Variants in RIPOR2 observed in about 807,000 individuals in gnomAD.
RIPOR2 encodes RHO family interacting cell polarization regulator 2, also known as rho family-interacting cell polarization regulator 2.
Under a neutral mutation model 114.5 loss-of-function variants are expected in RIPOR2, and 39 were observed. That is an observed-to-expected ratio of 0.34 (90% CI 0.26 to 0.44). The LOEUF (loss-of-function observed/expected upper bound fraction) is 0.44. RIPOR2 is among the 20% of genes least tolerant of loss of function. The pLI is 1.00. For synonymous variants in RIPOR2, 445 were observed against 484.4 expected (o/e 0.92, Z 1.07); for missense variants, 1,007 against 1,255.1 (o/e 0.80, Z 2.99).
intron 1 of RIPOR2, among the ~76,000 whole-genome samples, chr6:24,960,158 A>G (rs1297053503): frequency 6.6e-6 from 1 of 152,182 alleles, no homozygotes; most frequent in Non-Finnish European, 1.5e-5. Context: ...CAAAAAGGGT[A>G]TGGAGGATGC....
intron 1 of RIPOR2, among the ~76,000 whole-genome samples, chr6:24,961,060 T>C (rs1195101296): frequency 6.6e-6 from 1 of 152,222 alleles, no homozygotes; most frequent in African/African-American, 2.4e-5. Context: ...GGTGCCATGC[T>C]GGACCCCGCT....
chr6:24,825,532 T>A (rs1047530468), intron 18 of RIPOR2, 104 bp from the exon 19 acceptor site: 9 of 770,380 alleles, frequency 1.2e-5, no homozygotes, highest in Non-Finnish European at 1.9e-5. Context: ...TATAGTATAG[T>A]AACTCCAATA....
At chr6:24,847,161 C>T (rs1399107787) in intron 12 of RIPOR2, among the ~76,000 whole-genome samples, 3 of 152,132 alleles carry the variant, frequency 2.0e-5, no homozygotes, top group African/African-American at 7.2e-5. Flanking sequence ...CCATGTTGGC[C>T]AGGCTGGTCT....
intron 1 of RIPOR2, among the ~76,000 whole-genome samples, chr6:24,951,302 C>T (rs1772743158): frequency 6.6e-6 from 1 of 152,168 alleles, no homozygotes; most frequent in Non-Finnish European, 1.5e-5. Flanking sequence ...GTGTTGTCTT[C>T]TAAGTGCTGC....
intron 1 of RIPOR2, among the ~76,000 whole-genome samples, chr6:25,031,718 T>C (rs1271443531): frequency 2.1e-5 from 2 of 94,568 alleles, no homozygotes; most frequent in African/African-American, 1.0e-4. Flanking sequence ...TATATATATA[T>C]ATATATATAT....
At chr6:24,822,890 T>C (rs561873839) in intron 19 of RIPOR2, among the ~76,000 whole-genome samples, 10 of 152,330 alleles carry the variant, frequency 6.6e-5, no homozygotes, top group African/African-American at 2.2e-4. Context: ...TGCCTAAGAA[T>C]TGGTGGCTGC....
rs1473218248 is a variant in RIPOR2 at position 24,844,473 on chromosome 6, C to CT, written c.1165-920dup. ...AACCCCTTCAAAATGGTTAATTTTT[C>CT]TTTTTTTTTTTTTTGAGACAGAGTT... On this transcript the variant is annotated intron_variant, in intron 12 of 21. Coordinates refer to ENST00000643898, the MANE Select transcript of RIPOR2 (RefSeq NM_001286445.3). Among the ~76,000 whole-genome samples, 498 of 143,362 alleles carry CT rather than the reference C, an allele frequency of 3.5e-3. 1 individual carries two copies. Among genetic ancestry groups the CT allele is most frequent in the South Asian group, 9.1e-3 (41 of 4,502 alleles). 94.1% of individuals were successfully genotyped at this position (143,362 alleles called of 152,430 possible).
At chr6:24,936,785 A>G (rs1449715297), upstream of RIPOR2, among the ~76,000 whole-genome samples, 1 of 152,204 alleles carries the variant, frequency 6.6e-6, no homozygotes, top group Non-Finnish European at 1.5e-5. Flanking sequence ...CATCTCTCTG[A>G]GTAATACTGA....
chr6:24,876,129 A>G (rs1765717366), intron 1 of RIPOR2, among the ~76,000 whole-genome samples: 1 of 152,068 alleles, frequency 6.6e-6, no homozygotes, highest in African/African-American at 2.4e-5. Flanking sequence ...CATCTCTACT[A>G]AAAATACAAA....
chr6:24,964,147 C>CTGTGTGTGTGTGTG (rs70974955), intron 1 of RIPOR2, among the ~76,000 whole-genome samples: 5,256 of 146,600 alleles, frequency 0.036, 246 homozygotes, highest in African/African-American at 0.12. Flanking sequence ...GACATTGGCT[C>CTGTGTGTGTGTGTG]TGTGTGTGTG....
rs35254980 is a variant in RIPOR2 at position 24,848,117 on chromosome 6, C to A, written c.1072G>T (p.Ala358Ser). The A allele has an allele frequency of 5.2e-3, 8,440 of 1,613,742 alleles. 222 individuals carry two copies. The African/African-American group carries it at 0.073, about 14-fold the overall frequency. Residue 358 changes from alanine (A) to serine (S), a missense_variant, in exon 12 of 22, where the codon GCT (alanine) becomes TCT (serine). Coordinates refer to ENST00000643898, the MANE Select transcript of RIPOR2 (RefSeq NM_001286445.3). ...DVEDMTASSG[A>S]GNKAAALQRR... ...TGAAGGGCTGCTGCCTTGTTCCCAG[C>A]GCCTGAGGATGCGGTCATGTCCTCC...
intron 1 of RIPOR2, among the ~76,000 whole-genome samples, chr6:25,006,043 A>T (rs1412015791): frequency 6.6e-6 from 1 of 152,194 alleles, no homozygotes; most frequent in Non-Finnish European, 1.5e-5. Context: ...TATTTCTGTT[A>T]AACAGGCATG....
At chr6:25,025,836 G>C (rs927094185) in intron 1 of RIPOR2, among the ~76,000 whole-genome samples, 1 of 152,182 alleles carries the variant, frequency 6.6e-6, no homozygotes, top group East Asian at 1.9e-4. Flanking sequence ...AAGAGGGTGG[G>C]TTTTCTTAGA....
chr6:24,845,465 C>T (rs1762170624), intron 12 of RIPOR2, among the ~76,000 whole-genome samples: 1 of 152,130 alleles, frequency 6.6e-6, no homozygotes, highest in South Asian at 2.1e-4. Flanking sequence ...CTGATCTGTG[C>T]ACACATCTCA....
rs778137857 is a variant in RIPOR2 at position 24,825,445 on chromosome 6, AAGG to A, written c.2666-20_2666-18del. ...CCATGGAAACTGGAGGGTAAGAAGG[AAGG>A]AGATTTCATGTTCTGACATGCTAAA... is the stretch of plus-strand genomic sequence containing the variant. On this transcript the variant is annotated intron_variant, in intron 18 of 21. Transcript: ENST00000643898. The A allele has an allele frequency of 7.8e-6, 12 of 1,533,368 alleles. No homozygotes were observed. The highest frequency in any genetic ancestry group is 1.1e-5 in the Non-Finnish European group (12 of 1,130,054). The allele number at this position is 1,533,368 out of a possible 1,614,324, so 95.0% of individuals were successfully genotyped here.
At chr6:24,811,322 C>G (rs1781143612) in intron 20 of RIPOR2, among the ~76,000 whole-genome samples, 1 of 136,606 alleles carries the variant, frequency 7.3e-6, no homozygotes, top group Admixed American at 8.3e-5. Context: ...AAACCTCTGT[C>G]TCCTGGATTC....
chr6:24,974,599 G>T (rs1052215225), intron 1 of RIPOR2, among the ~76,000 whole-genome samples: 1 of 152,174 alleles, frequency 6.6e-6, no homozygotes, highest in Non-Finnish European at 1.5e-5. Flanking sequence ...TTGGAAAGGA[G>T]CTTCGCAGTT....
intron 1 of RIPOR2, among the ~76,000 whole-genome samples, chr6:24,971,810 T>G (rs560253165): frequency 6.6e-6 from 1 of 152,364 alleles, no homozygotes; most frequent in South Asian, 2.1e-4. Flanking sequence ...GTCCATTACT[T>G]GATAACTTGG....
intron 2 of RIPOR2, 112 bp downstream of exon 2, chr6:24,875,579 A>G (rs2113899238): frequency 1.1e-5 from 10 of 913,892 alleles, no homozygotes; most frequent in Non-Finnish European, 1.6e-5. Context: ...TAAAATGGGG[A>G]GGAGGCCGGG....
Sources: gnomAD v4.1 joint callset for allele counts (sites outside exome capture counted in the v4.1 genomes callset) on GRCh38, gnomAD v4.1.1 for gene constraint, MANE v1.5 for transcripts, NCBI Gene and HGNC (gene_info 2026-07-23, HGNC 2026-07-21) for gene names.